MYOT: variants seen among roughly 807,000 people sequenced by gnomAD.
MYOT encodes the protein 57 kDa cytoskeletal protein.
In MYOT, 36 loss-of-function variants were observed where a neutral mutation model predicts 58.0. The observed-to-expected ratio is 0.62, with a 90% confidence interval of 0.48 to 0.82. MYOT has a LOEUF of 0.82. Ranked by LOEUF, MYOT falls within the 40% of genes least tolerant of loss-of-function variation. The probability of loss-of-function intolerance (pLI) is 0.00; values close to 1 mark genes in which losing one functional copy is unlikely to be tolerated. For missense variants in MYOT, 505 were observed against 592.1 expected (o/e 0.85, Z 1.53); for synonymous variants, 218 against 204.6 (o/e 1.07, Z -0.56).
intron 4 of MYOT, among the ~76,000 whole-genome samples, chr5:137,879,966 G>C (rs998014065): frequency 2.0e-5 from 3 of 152,130 alleles, no homozygotes; most frequent in Admixed American, 6.6e-5. Context: ...TTACAGAGTT[G>C]TAAGACTTTT....
In MYOT at chr5:137,870,288, G is replaced by GACACACACAC. The variant is rs35301804; in HGVS notation, c.-211-123_-211-114dup. On this transcript the variant is annotated intron_variant, in intron 1 of 9. Coordinates refer to ENST00000239926, the MANE Select transcript of MYOT (RefSeq NM_006790.3). ...TATGTTCGCCTGGGCGATTAAGCAAGACACACACACACACACACACACACA... is the reference window on the plus strand; with the variant it reads ...TATGTTCGCCTGGGCGATTAAGCAAGACACACACACACACACACACACACACACACACACA... Among the ~76,000 whole-genome samples the GACACACACAC allele has an allele frequency of 0.014, 1,722 of 127,024 alleles. 27 individuals carry two copies. The highest frequency in any genetic ancestry group is 0.021 in the Non-Finnish European group (1,254 of 60,792). 83.3% of individuals were successfully genotyped at this position (127,024 alleles called of 152,430 possible). A position where few individuals can be genotyped will look rare whatever the true frequency, so the allele number is the denominator to read the frequency against.
rs764677626 is a variant in MYOT, at chr5:137,877,520, C to T, written c.532C>T (p.Arg178Cys). 15 of 1,602,352 alleles carry T rather than the reference C, an allele frequency of 9.4e-6. No individual in the cohort carries two copies. The highest frequency in any genetic ancestry group is 2.7e-5 in the African/African-American group (2 of 74,636). The change falls in exon 4 of 10, where the codon CGT becomes TGT. Residue 178 changes from arginine (R) to cysteine (C), a missense_variant and splice_region_variant. By Grantham distance (180) the Arg-to-Cys change is radical. Coordinates refer to ENST00000239926, the MANE Select transcript of MYOT (RefSeq NM_006790.3). ...KDTLLHNGNQRLTYEEKMARR... is the reference protein window; with the variant it reads ...KDTLLHNGNQCLTYEEKMARR... ...TACTGTCTCAATAAATTCTCTAAAG[C>T]GTCTAACATATGAAGAGAAGATGGC...
intron 2 of MYOT, among the ~76,000 whole-genome samples, chr5:137,875,213 G>T (rs1317898361): frequency 6.6e-6 from 1 of 152,140 alleles, no homozygotes; most frequent in Non-Finnish European, 1.5e-5. Context: ...GCAGCTTGAG[G>T]CCACTATCCT....
chr5:137,883,297 G>T, intron 6 of MYOT, 87 bp from the exon 7 acceptor site: 1 of 1,124,176 alleles, frequency 8.9e-7, no homozygotes, highest in African/African-American at 1.5e-5. Context: ...TCAGATACGG[G>T]AACTGTTTAA....
At position 137,883,565 on chromosome 5, in the gene MYOT, C is replaced by T. The variant is rs758194318; in HGVS notation, c.998C>T (p.Thr333Ile). ...GCCAAGAATAGAGCAGGAGAAGCCA[C>T]CTTCACTGTGCAGCTGGATGTCCTT... ...CVAKNRAGEA[T>I]FTVQLDVLAK... The change falls in exon 7 of 10, where the codon ACC (threonine) becomes ATC (isoleucine). Residue 333 changes from threonine (T) to isoleucine (I), a missense_variant. Physicochemically the swap from Thr to Ile is moderately conservative, Grantham distance 89 (BLOSUM62 -1). Coordinates refer to ENST00000239926, the MANE Select transcript of MYOT (RefSeq NM_006790.3). 6.8e-6 allele frequency: 11 copies of T among 1,613,974 alleles called. No individual in the cohort carries two copies. Among genetic ancestry groups the T allele is most frequent in the Admixed American group, 3.3e-5 (2 of 59,992 alleles).
At position 137,886,158 on chromosome 5, in the gene MYOT, A is replaced by G. The variant is rs746057064; in HGVS notation, c.1135A>G (p.Lys379Glu). 1 of 1,612,596 alleles carries G rather than the reference A, an allele frequency of 6.2e-7. No individual in the cohort carries two copies. The highest frequency in any genetic ancestry group is 8.5e-7 in the Non-Finnish European group (1 of 1,178,894). The change falls in exon 8 of 10, where the codon AAG becomes GAG. Residue 379 changes from lysine to glutamate, a missense_variant. By Grantham distance (56) the Lys-to-Glu change is moderately conservative (BLOSUM62 1). Transcript: ENST00000239926. The stretch of plus-strand genomic sequence containing the variant: ...CCAGATCTCGGCTATACCTCCACCA[A>G]AGCTTTTCTGGAAAAGAAATAATGA... ...ECQISAIPPP[K>E]LFWKRNNEMV... is the part of the protein sequence containing the mutation.
At position 137,871,801 on chromosome 5, in the gene MYOT, A is replaced by G. The variant is rs72801616; in HGVS notation, c.356+794A>G. ...TGGTTATGCTTTTTTTAAAACATGAACTGAATACCTTGTGCTTATGCAAAC... is the reference window on the plus strand; with the variant it reads ...TGGTTATGCTTTTTTTAAAACATGAGCTGAATACCTTGTGCTTATGCAAAC... On this transcript the variant is annotated intron_variant, in intron 2 of 9. Coordinates refer to ENST00000239926, the MANE Select transcript of MYOT (RefSeq NM_006790.3). Among the ~76,000 whole-genome samples, 930 of 152,304 alleles carry G rather than the reference A, an allele frequency of 6.1e-3. 5 individuals are homozygous for G. Among genetic ancestry groups the G allele is most frequent in the Non-Finnish European group, 0.01 (685 of 68,018 alleles).
chr5:137,885,703 C>T (rs144636960), intron 7 of MYOT, among the ~76,000 whole-genome samples: 380 of 125,126 alleles, frequency 3.0e-3, no homozygotes, highest in African/African-American at 0.011. Context: ...ACCTGGGAGG[C>T]GGAGGTTGCA....
rs569488292 is a variant in MYOT, at chr5:137,880,691, G to C, written c.634-125G>C. On this transcript the variant is annotated intron_variant, in intron 4 of 9. Transcript: ENST00000239926. The stretch of plus-strand genomic sequence containing the variant: ...TAAGGGCTTAAAAGCTGAATATATA[G>C]AACTTACCAGGGCTGTTCAAATACA... 9 of 773,760 alleles carry C rather than the reference G, an allele frequency of 1.2e-5. No individual in the cohort carries two copies. The South Asian group carries it at 1.4e-4, about 12-fold the overall frequency. The allele number at this position is 773,760 out of a possible 1,614,324, so 47.9% of individuals were successfully genotyped here. A position where few individuals can be genotyped will look rare whatever the true frequency, so the allele number is the denominator to read the frequency against.
At chr5:137,873,731 C>G (rs950654383) in intron 2 of MYOT, among the ~76,000 whole-genome samples, 2 of 151,894 alleles carry the variant, frequency 1.3e-5, no homozygotes, top group African/African-American at 4.8e-5. Flanking sequence ...TATAGACAAC[C>G]ATAAAGATCT....
chr5:137,876,415 A>G (rs891201911), intron 3 of MYOT, among the ~76,000 whole-genome samples: 1 of 152,230 alleles, frequency 6.6e-6, no homozygotes, highest in Non-Finnish European at 1.5e-5. Flanking sequence ...ATCTTTAAAC[A>G]GTACTATATG....
Position 137,887,420 on chromosome 5 carries a change from C to A in MYOT, c.*35C>A, listed in dbSNP as rs200315057. On this transcript the variant is annotated 3_prime_UTR_variant, in exon 10 of 10. Transcript: ENST00000239926. ...CAACATTGGAAAACAGCCAACTACA[C>A]CATTAGTAATATATTTGATTACATT... The A allele has an allele frequency of 4.4e-6, 7 of 1,599,476 alleles. No homozygotes were observed. Among genetic ancestry groups the A allele is most frequent in the Admixed American group, 1.7e-5 (1 of 59,942 alleles).
Position 137,876,361 on chromosome 5 carries a change from T to C in MYOT, c.531+358T>C, listed in dbSNP as rs1447187108. ...CACTGACAGGTAATTATTGCTATAA[T>C]TCTTATCATGTAGTCCTTATTGTGT... On this transcript the variant is annotated intron_variant, in intron 3 of 9. Transcript: ENST00000239926. Among the ~76,000 whole-genome samples, 3 of 152,232 alleles carry C rather than the reference T, an allele frequency of 2.0e-5. No individual in the cohort carries two copies. In the East Asian group the frequency reaches 5.8e-4, roughly 29 times the overall value.
intron 2 of MYOT, among the ~76,000 whole-genome samples, chr5:137,874,817 AT>A (rs1375040607): frequency 3.9e-5 from 6 of 152,218 alleles, no homozygotes; most frequent in African/African-American, 1.2e-4. Flanking sequence ...ATTTGCTGTT[AT>A]ATAGTGCCAT....
rs1446179665 is a variant in MYOT, at chr5:137,870,861, TGCTTCTCCCCA to T, written c.213_223del (p.Ser72AlafsTer15). The T allele has an allele frequency of 1.2e-6, 2 of 1,614,084 alleles. No homozygotes were observed. Among genetic ancestry groups the T allele is most frequent in the Non-Finnish European group, 1.7e-6 (2 of 1,180,044 alleles). ...TCACCATGTCCTCCTCTGCTTTCCC[TGCTTCTCCCCA>T]GCAGCATGCTGGCTCCAACCCAGGC... On this transcript the variant is annotated frameshift_variant, in exon 2 of 10. Coordinates refer to ENST00000239926, the MANE Select transcript of MYOT (RefSeq NM_006790.3). LOFTEE classifies it high-confidence loss of function.
intron 6 of MYOT, 53 bp from the exon 7 acceptor site, chr5:137,883,331 T>G (rs1755496673): frequency 6.9e-7 from 1 of 1,440,384 alleles, no homozygotes. Context: ...CAAATAGGTT[T>G]CAGTGATGCA....
At chr5:137,884,045 T>C (rs1755519991) in intron 7 of MYOT, among the ~76,000 whole-genome samples, 1 of 152,104 alleles carries the variant, frequency 6.6e-6, no homozygotes, top group African/African-American at 2.4e-5. Flanking sequence ...GTTAAATACA[T>C]AGTTTAAAAG....
chr5:137,874,040 T>C (rs1016380504), intron 2 of MYOT, among the ~76,000 whole-genome samples: 2 of 152,154 alleles, frequency 1.3e-5, no homozygotes, highest in African/African-American at 2.4e-5. Flanking sequence ...TTGAGAATAT[T>C]TGGAAAGGAT....
chr5:137,873,591 A>C (rs1054094819), intron 2 of MYOT, among the ~76,000 whole-genome samples: 1 of 152,170 alleles, frequency 6.6e-6, no homozygotes. Context: ...GATTGAAAAA[A>C]TATGAGATCT....
Sources: allele counts gnomAD v4.1 joint callset (sites outside exome capture counted in the v4.1 genomes callset), GRCh38; gene constraint gnomAD v4.1.1; transcripts MANE v1.5; gene names NCBI Gene and HGNC (gene_info 2026-07-23, HGNC 2026-07-21).